The following SORCS2 variants were observed in gnomAD, a reference collection of about 807,000 sequenced individuals.
The protein encoded by SORCS2 is sortilin related VPS10 domain containing receptor 2.
In SORCS2, 100 loss-of-function variants were observed where a neutral mutation model predicts 141.6. The observed-to-expected ratio is 0.71, with a 90% CI of 0.60 to 0.83. The LOEUF is 0.83. SORCS2 is among the 40% of genes least tolerant of loss of function. SORCS2 has a pLI of 0.00. For missense variants in SORCS2, 1,646 were observed against 1,560.2 expected, an observed-to-expected ratio of 1.05 and a Z score of -0.93; for synonymous variants, 789 against 676.9, an observed-to-expected ratio of 1.17 and a Z score of -2.57.
chr4:7,482,773 C>T lies in SORCS2; in HGVS notation c.549-48757C>T, dbSNP rs1046232412. Among the ~76,000 whole-genome samples the T allele has an allele frequency of 1.5e-3, 217 of 146,270 alleles. 3 individuals carry two copies. The highest frequency in any genetic ancestry group is 2.6e-3 in the Admixed American group (38 of 14,856). On this transcript the variant is annotated intron_variant, in intron 2 of 26. Transcript: ENST00000507866. Reference sequence around the variant, plus strand: ...CTGACGCTGTTCAGACCTGTATCCCCGCTGCGGACACCCCTGGCTGCTGTT... The same window carrying T: ...CTGACGCTGTTCAGACCTGTATCCCTGCTGCGGACACCCCTGGCTGCTGTT...
chr4:7,266,870 G>A (rs1050475515), intron 1 of SORCS2, among the ~76,000 whole-genome samples: 1 of 152,122 alleles, frequency 6.6e-6, no homozygotes, highest in African/African-American at 2.4e-5. Flanking sequence ...GTCCCAGCTC[G>A]GCCCCCTGTC....
intron 2 of SORCS2, among the ~76,000 whole-genome samples, chr4:7,415,085 C>T (rs73796556): frequency 0.16 from 23,629 of 152,104 alleles, 2,582 homozygotes; most frequent in African/African-American, 0.27. Context: ...AAAGTAAAAA[C>T]GAGGTAGGCA....
intron 3 of SORCS2, among the ~76,000 whole-genome samples, chr4:7,532,913 G>C (rs1711778629): frequency 6.6e-6 from 1 of 152,152 alleles, no homozygotes; most frequent in Admixed American, 6.5e-5. Flanking sequence ...ACAGAGGGGA[G>C]GTGAGGGAGA....
At chr4:7,345,359 G>A (rs1720597221) in intron 1 of SORCS2, among the ~76,000 whole-genome samples, 1 of 152,182 alleles carries the variant, frequency 6.6e-6, no homozygotes, top group Admixed American at 6.5e-5. Context: ...TAACTTGTCT[G>A]TTTGTTTAGA....
intron 12 of SORCS2, among the ~76,000 whole-genome samples, chr4:7,698,344 G>A (rs185674076): frequency 2.0e-5 from 3 of 152,358 alleles, no homozygotes; most frequent in Admixed American, 1.3e-4. Flanking sequence ...CTGGGCACAC[G>A]TGTTGATCCC....
chr4:7,602,075 C>T (rs1340712979), intron 3 of SORCS2, among the ~76,000 whole-genome samples: 1 of 152,258 alleles, frequency 6.6e-6, no homozygotes, highest in African/African-American at 2.4e-5. Context: ...CTTCTTTCTA[C>T]ACAGACACAG....
chr4:7,409,285 G>A (rs1725159277), intron 2 of SORCS2, among the ~76,000 whole-genome samples: 1 of 152,206 alleles, frequency 6.6e-6, no homozygotes, highest in African/African-American at 2.4e-5. Context: ...CTTGGCTGTA[G>A]TAAAGGACTG....
intron 2 of SORCS2, among the ~76,000 whole-genome samples, chr4:7,474,996 C>T (rs1730203879): frequency 6.6e-6 from 1 of 152,198 alleles, no homozygotes; most frequent in Non-Finnish European, 1.5e-5. Flanking sequence ...TCTTTGTCCA[C>T]ATGACTTTCT....
At chr4:7,471,828 G>A (rs569998729) in intron 2 of SORCS2, among the ~76,000 whole-genome samples, 5 of 152,342 alleles carry the variant, frequency 3.3e-5, no homozygotes, top group Admixed American at 1.3e-4. Context: ...ACGCCCAGGC[G>A]GAGTCACCCA....
chr4:7,649,024 G>A (rs978067475), intron 4 of SORCS2, among the ~76,000 whole-genome samples: 1 of 152,144 alleles, frequency 6.6e-6, no homozygotes, highest in Non-Finnish European at 1.5e-5. Context: ...AGGCACTGCA[G>A]CCCCGTCCTC....
intron 1 of SORCS2, among the ~76,000 whole-genome samples, chr4:7,218,998 CCCTTCCTA>C (rs1728539504): frequency 1.2e-5 from 1 of 81,926 alleles, no homozygotes; most frequent in African/African-American, 6.6e-5. Flanking sequence ...ATATGCTAGG[CCCTTCCTA>C]CCTCAGAGCC....
At chr4:7,650,896 A>G (rs989784175) in intron 4 of SORCS2, among the ~76,000 whole-genome samples, 2 of 152,168 alleles carry the variant, frequency 1.3e-5, no homozygotes, top group African/African-American at 4.8e-5. Context: ...GGACTTCAGC[A>G]TATGATGCTT....
At chr4:7,501,422 CT>C (rs1335145349) in intron 2 of SORCS2, among the ~76,000 whole-genome samples, 8 of 152,176 alleles carry the variant, frequency 5.3e-5, no homozygotes, top group African/African-American at 1.7e-4. Flanking sequence ...AGTAGGGCTC[CT>C]TACTGTAGGA....
intron 10 of SORCS2, among the ~76,000 whole-genome samples, chr4:7,686,496 C>T (rs1017244415): frequency 6.6e-6 from 1 of 152,126 alleles, no homozygotes; most frequent in Non-Finnish European, 1.5e-5. Context: ...TGGCCTGCCT[C>T]CAGCCCTGCA....
intron 2 of SORCS2, among the ~76,000 whole-genome samples, chr4:7,504,484 C>G (rs994251388): frequency 4.6e-5 from 7 of 150,828 alleles, no homozygotes; most frequent in Non-Finnish European, 8.9e-5. Context: ...TCCTTAAATC[C>G]TGCTCATTTT....
chr4:7,327,896 G>C (rs1196080090), intron 1 of SORCS2, among the ~76,000 whole-genome samples: 1 of 149,158 alleles, frequency 6.7e-6, no homozygotes, highest in Non-Finnish European at 1.5e-5. Flanking sequence ...GCCTGTTCTT[G>C]TCCCCCTCCA....
intron 2 of SORCS2, among the ~76,000 whole-genome samples, chr4:7,447,212 G>A (rs901859629): frequency 2.6e-5 from 4 of 152,192 alleles, no homozygotes; most frequent in African/African-American, 9.7e-5. Flanking sequence ...TCCCTGCAGG[G>A]AGGTTACTGG....
At chr4:7,552,862 A>T (rs925271799) in intron 3 of SORCS2, among the ~76,000 whole-genome samples, 1 of 152,068 alleles carries the variant, frequency 6.6e-6, no homozygotes, top group South Asian at 2.1e-4. Context: ...ATTCCCTGCA[A>T]TGTGTGGTCT....
At chr4:7,420,376 G>A (rs1725959971) in intron 2 of SORCS2, among the ~76,000 whole-genome samples, 2 of 152,196 alleles carry the variant, frequency 1.3e-5, no homozygotes, top group Admixed American at 1.3e-4. Context: ...CCTTGGATGA[G>A]ATCAAGCAGT....
Sources: gnomAD v4.1 joint callset for allele counts (sites outside exome capture counted in the v4.1 genomes callset) on GRCh38, gnomAD v4.1.1 for gene constraint, MANE v1.5 for transcripts, NCBI Gene and HGNC (gene_info 2026-07-23, HGNC 2026-07-21) for gene names.